Variants in VTI1A observed in about 807,000 individuals in gnomAD.
VTI1A encodes the protein vesicle transport through interaction with t-SNAREs 1A.
Under a neutral mutation model 34.9 loss-of-function variants are expected in VTI1A, and 22 were observed. The ratio of observed to expected loss-of-function variants is 0.63; its 90% CI spans 0.45 to 0.90. VTI1A has a LOEUF of 0.90. VTI1A is among the 40% of genes least tolerant of loss of function. The pLI is 0.00. For synonymous variants in VTI1A, 87 were observed against 97.3 expected (o/e 0.89, Z 0.62); for missense variants, 268 against 275.6 (o/e 0.97, Z 0.20).
At chr10:112,585,070 AT>A (rs1844091870) in intron 5 of VTI1A, among the ~76,000 whole-genome samples, 8 of 152,310 alleles carry the variant, frequency 5.3e-5, no homozygotes, top group Admixed American at 4.6e-4. Context: ...AGCTTCTTTA[AT>A]TGAGGGTGGA....
chr10:112,586,511 G>A (rs747009946), intron 5 of VTI1A, among the ~76,000 whole-genome samples: 1 of 152,132 alleles, frequency 6.6e-6, no homozygotes, highest in Non-Finnish European at 1.5e-5. Context: ...TTTCAACAGA[G>A]ACCCACTAGT....
intron 5 of VTI1A, among the ~76,000 whole-genome samples, chr10:112,631,816 C>T (rs751076391): frequency 1.4e-4 from 21 of 152,112 alleles, no homozygotes; most frequent in Admixed American, 2.0e-4. Flanking sequence ...TCTTGTTTGT[C>T]GTGACTCATA....
intron 5 of VTI1A, among the ~76,000 whole-genome samples, chr10:112,630,248 T>G (rs372178402): frequency 6.6e-6 from 1 of 152,174 alleles, no homozygotes; most frequent in East Asian, 1.9e-4. Flanking sequence ...CAGAGCATCC[T>G]ATGGAGTCAC....
intron 5 of VTI1A, among the ~76,000 whole-genome samples, chr10:112,652,781 T>G (rs575664053): frequency 5.4e-5 from 8 of 148,682 alleles, no homozygotes; most frequent in Non-Finnish European, 1.2e-4. Flanking sequence ...GGAAGGAAAG[T>G]AAGGAGAAAT....
chr10:112,816,863 A>G lies in VTI1A; in HGVS notation c.*1480A>G, dbSNP rs981694113. 2.2e-5 allele frequency: 5 copies of G among 230,006 alleles called. No homozygotes were observed. The highest frequency in any genetic ancestry group is 1.1e-4 in the African/African-American group (5 of 45,156). The allele number at this position is 230,006 out of a possible 1,614,324, so 14.2% of individuals were successfully genotyped here. A position where few individuals can be genotyped will look rare whatever the true frequency, so the allele number is the denominator to read the frequency against. On this transcript the variant is annotated 3_prime_UTR_variant, in exon 8 of 8. Transcript: ENST00000393077. ...TTATGGTTTAGAGAGGAAATGCAGA[A>G]TGGCAGAATCCACCAGAGAAATTGC...
chr10:112,585,178 A>G (rs143862422), intron 5 of VTI1A, among the ~76,000 whole-genome samples: 2 of 152,236 alleles, frequency 1.3e-5, no homozygotes, highest in African/African-American at 4.8e-5. Context: ...GTCGATTCAC[A>G]TCTCCTAACT....
intron 7 of VTI1A, among the ~76,000 whole-genome samples, chr10:112,805,026 A>AT (rs568126251): frequency 4.9e-4 from 70 of 142,856 alleles, no homozygotes; most frequent in East Asian, 6.1e-4. Flanking sequence ...ACGCCTGGCT[A>AT]TTTTTTTTTT....
At chr10:112,587,075 T>TTGTATGTTTCAG (rs1263084413) in intron 5 of VTI1A, among the ~76,000 whole-genome samples, 1 of 152,182 alleles carries the variant, frequency 6.6e-6, no homozygotes, top group East Asian at 1.9e-4. Context: ...TATGTTTCAG[T>TTGTATGTTTCAG]TGGGCCCTGA....
At chr10:112,637,356 G>A (rs1011810008) in intron 5 of VTI1A, among the ~76,000 whole-genome samples, 6 of 152,020 alleles carry the variant, frequency 3.9e-5, no homozygotes, top group Non-Finnish European at 7.4e-5. Flanking sequence ...TTGCATATCC[G>A]CAAAAAATCA....
intron 5 of VTI1A, chr10:112,548,823 CT>C: frequency 1.3e-6 from 2 of 1,495,898 alleles, no homozygotes; most frequent in Non-Finnish European, 9.0e-7. Flanking sequence ...CATCACCAGA[CT>C]TTAAGAATTT....
intron 1 of VTI1A, among the ~76,000 whole-genome samples, chr10:112,459,678 G>A (rs1402539411): frequency 6.6e-6 from 1 of 152,170 alleles, no homozygotes; most frequent in Admixed American, 6.5e-5. Flanking sequence ...CATCTGGTTT[G>A]CACAAAACTT....
At chr10:112,619,075 T>TTC (rs1482658550) in intron 5 of VTI1A, among the ~76,000 whole-genome samples, 1 of 151,978 alleles carries the variant, frequency 6.6e-6, no homozygotes, top group Non-Finnish European at 1.5e-5. Flanking sequence ...TTTTTTTTTT[T>TTC]TTTAAGGAAC....
At chr10:112,518,579 CTCTCTCTCTCTATATATA>C (rs1490708799) in intron 3 of VTI1A, among the ~76,000 whole-genome samples, 5 of 96,522 alleles carry the variant, frequency 5.2e-5, no homozygotes, top group African/African-American at 2.0e-4. Context: ...CTCTCTCTCT[CTCTCTCTCTCTATATATA>C]TATATATATA....
chr10:112,797,320 A>T (rs1852707174), intron 7 of VTI1A, among the ~76,000 whole-genome samples: 2 of 152,196 alleles, frequency 1.3e-5, no homozygotes, highest in South Asian at 4.1e-4. Context: ...TGTTCGAGGA[A>T]GGGCCGTGAC....
chr10:112,717,939 A>G (rs938573463), intron 7 of VTI1A, among the ~76,000 whole-genome samples: 2 of 152,126 alleles, frequency 1.3e-5, no homozygotes, highest in Non-Finnish European at 1.5e-5. Context: ...CTAAAAATTA[A>G]TTTACTCATT....
At chr10:112,759,829 T>C (rs546058374) in intron 7 of VTI1A, among the ~76,000 whole-genome samples, 1 of 151,208 alleles carries the variant, frequency 6.6e-6, no homozygotes, top group African/African-American at 2.4e-5. Context: ...CAGGTCTGCC[T>C]GGATCAGAAG....
At chr10:112,705,948 CGTT>C (rs1178470712) in intron 7 of VTI1A, among the ~76,000 whole-genome samples, 5 of 152,000 alleles carry the variant, frequency 3.3e-5, no homozygotes, top group East Asian at 1.9e-4. Context: ...ATTCTTTTGT[CGTT>C]GTTGTTTTTG....
chr10:112,596,039 A>G (rs886582455), intron 5 of VTI1A, among the ~76,000 whole-genome samples: 11 of 151,994 alleles, frequency 7.2e-5, no homozygotes, highest in African/African-American at 2.7e-4. Flanking sequence ...GGAAATCATC[A>G]TTCTCAGTAA....
intron 5 of VTI1A, among the ~76,000 whole-genome samples, chr10:112,636,888 C>G (rs771746169): frequency 7.2e-5 from 11 of 152,004 alleles, no homozygotes; most frequent in Non-Finnish European, 1.5e-4. Flanking sequence ...AATGAAACAA[C>G]CAACAACAAA....
Sources: allele counts gnomAD v4.1 joint callset (sites outside exome capture counted in the v4.1 genomes callset), GRCh38; gene constraint gnomAD v4.1.1; transcripts MANE v1.5; gene names NCBI Gene and HGNC (gene_info 2026-07-23, HGNC 2026-07-21).